CHN2: variants seen among roughly 807,000 people sequenced by gnomAD.
CHN2 encodes the protein beta-chimaerin.
Under a neutral mutation model 56.3 loss-of-function variants are expected in CHN2, and 35 were observed. That is an observed-to-expected ratio of 0.62 (90% CI 0.47 to 0.82). The LOEUF (loss-of-function observed/expected upper bound fraction) is 0.82, where lower values mean the gene tolerates loss of function less well. Among genes scored for constraint, CHN2 ranks in the 40% least tolerant of loss-of-function variants. The probability of loss-of-function intolerance (pLI) is 0.00; values close to 1 mark genes in which losing one functional copy is unlikely to be tolerated. For synonymous variants in CHN2, 210 were observed against 212.8 expected, an observed-to-expected ratio of 0.99 and a Z score of 0.12; for missense variants, 491 against 580.5, an observed-to-expected ratio of 0.85 and a Z score of 1.58.
intron 1 of CHN2, among the ~76,000 whole-genome samples, chr7:29,329,434 T>G (rs944680070): frequency 3.2e-5 from 4 of 126,066 alleles, no homozygotes; most frequent in Non-Finnish European, 6.6e-5. Context: ...CCCTTCATAA[T>G]AGAACATGGG....
At chr7:29,211,130 G>A (rs1001495467) in intron 1 of CHN2, among the ~76,000 whole-genome samples, 2 of 151,952 alleles carry the variant, frequency 1.3e-5, no homozygotes, top group Non-Finnish European at 2.9e-5. Flanking sequence ...GAGTGCAGTG[G>A]CGCGATCTCG....
At chr7:29,510,466 C>T (rs1462869797) in intron 12 of CHN2, among the ~76,000 whole-genome samples, 1 of 152,150 alleles carries the variant, frequency 6.6e-6, no homozygotes, top group East Asian at 1.9e-4. Context: ...CTCCTGAAGG[C>T]TTGATGGTGG....
chr7:29,477,803 G>A (rs1786723010), intron 6 of CHN2, among the ~76,000 whole-genome samples: 1 of 152,222 alleles, frequency 6.6e-6, no homozygotes, highest in Non-Finnish European at 1.5e-5. Flanking sequence ...GTGGTCACAG[G>A]AGGGACTGGA....
intron 3 of CHN2, among the ~76,000 whole-genome samples, chr7:29,373,091 T>C (rs1323669310): frequency 1.3e-5 from 2 of 152,190 alleles, no homozygotes; most frequent in Non-Finnish European, 2.9e-5. Flanking sequence ...CAAAAATGGA[T>C]GGTAGAGATT....
chr7:29,459,412 A>G (rs980261275), intron 6 of CHN2, among the ~76,000 whole-genome samples: 1 of 152,270 alleles, frequency 6.6e-6, no homozygotes, highest in Admixed American at 6.5e-5. Flanking sequence ...CCCTGGAGGA[A>G]TCAGGGTAAG....
intron 3 of CHN2, chr7:29,376,195 CTTG>C (rs1409704131): frequency 1.3e-5 from 2 of 152,176 alleles, no homozygotes; most frequent in South Asian, 2.1e-4. Context: ...TAATTATTTA[CTTG>C]TTGTCAGTCT....
chr7:29,333,050 A>G (rs1796344936), intron 1 of CHN2: 1 of 152,048 alleles, frequency 6.6e-6, no homozygotes, highest in Non-Finnish European at 1.5e-5. Flanking sequence ...GCTGAGAAGC[A>G]CCCACACTCT....
At chr7:29,157,686 A>G (rs755718409) in intron 2 of CHN2, among the ~76,000 whole-genome samples, 103 of 152,196 alleles carry the variant, frequency 6.8e-4, no homozygotes, top group African/African-American at 3.4e-4. Context: ...ACTCCCCTTC[A>G]CCAGTGAAAA....
chr7:29,424,230 C>CTT (rs141938575), intron 6 of CHN2, among the ~76,000 whole-genome samples: 4,663 of 148,414 alleles, frequency 0.031, 131 homozygotes, highest in African/African-American at 0.066. Context: ...TAGTTCCATG[C>CTT]AACCTCCCAC....
At chr7:29,439,090 G>T (rs899045898) in intron 6 of CHN2, among the ~76,000 whole-genome samples, 36 of 152,154 alleles carry the variant, frequency 2.4e-4, no homozygotes, top group African/African-American at 8.2e-4. Flanking sequence ...TTGAGAGTCT[G>T]CTGTATACCA....
rs1412389504 is a variant in CHN2, at chr7:29,152,728, G to A, written c.274+5768G>A. Among the ~76,000 whole-genome samples, 4 of 152,180 alleles carry A rather than the reference G, an allele frequency of 2.6e-5. No individual in the cohort carries two copies. The East Asian group carries it at 7.7e-4, about 29-fold the overall frequency. On this transcript the variant is annotated intron_variant, in intron 2 of 6. Transcript: ENST00000439384. ...TGGGCTCTTTTGCTCTGAGACGGTT[G>A]GAAGAGTTAACGCCATTTTGTCTCT...
intron 6 of CHN2, among the ~76,000 whole-genome samples, chr7:29,406,115 T>C (rs528126148): frequency 3.3e-5 from 5 of 152,366 alleles, no homozygotes; most frequent in African/African-American, 7.2e-5. Flanking sequence ...ACAGCTCTTA[T>C]TTGCTTTTTC....
chr7:29,457,817 G>A (rs1784878318), intron 6 of CHN2, among the ~76,000 whole-genome samples: 1 of 152,184 alleles, frequency 6.6e-6, no homozygotes, highest in Non-Finnish European at 1.5e-5. Context: ...GGATCACTGG[G>A]GAACAAGATG....
rs753479416 is a variant in CHN2, at chr7:29,194,897, T to C, written c.-45T>C. On this transcript the variant is annotated 5_prime_UTR_variant, in exon 1 of 13. Coordinates refer to ENST00000222792, the MANE Select transcript of CHN2 (RefSeq NM_004067.4). Reference sequence around the variant, plus strand: ...CCGGGCGAGGGCAGCGGCGGCGGCGTCCGCACCGGGGCTGAGCGAGCAGCG... The same window carrying C: ...CCGGGCGAGGGCAGCGGCGGCGGCGCCCGCACCGGGGCTGAGCGAGCAGCG... 6.9e-7 allele frequency: 1 copy of C among 1,444,350 alleles called. No homozygotes were observed. The allele number at this position is 1,444,350 out of a possible 1,614,324, so 89.5% of individuals were successfully genotyped here.
intron 6 of CHN2, among the ~76,000 whole-genome samples, chr7:29,440,436 A>G (rs1007158782): frequency 2.0e-5 from 3 of 152,124 alleles, no homozygotes; most frequent in Non-Finnish European, 2.9e-5. Context: ...CACAGCTGTA[A>G]TCTTAGCACT....
intron 6 of CHN2, among the ~76,000 whole-genome samples, chr7:29,474,815 G>A (rs1335593992): frequency 2.0e-5 from 3 of 152,194 alleles, no homozygotes; most frequent in East Asian, 1.9e-4. Context: ...TTGTGGATTG[G>A]TGGCAAATCA....
At position 29,500,141 on chromosome 7, in the gene CHN2, G is replaced by C. The variant is rs906504344; in HGVS notation, c.913+101G>C. 8 of 909,722 alleles carry C rather than the reference G, an allele frequency of 8.8e-6. No homozygotes were observed. The African/African-American group carries it at 1.4e-4, about 15-fold the overall frequency. The allele number at this position is 909,722 out of a possible 1,614,324, so 56.4% of individuals were successfully genotyped here. On this transcript the variant is annotated intron_variant, in intron 9 of 12. Transcript: ENST00000222792. ...CAGAGTTGCTCTACTACTCTTGTTGGGAAAATGACCTACGCATGTGTGCGC... is the reference window on the plus strand; with the variant it reads ...CAGAGTTGCTCTACTACTCTTGTTGCGAAAATGACCTACGCATGTGTGCGC...
chr7:29,421,508 C>T (rs190076041), intron 6 of CHN2, among the ~76,000 whole-genome samples: 1 of 152,316 alleles, frequency 6.6e-6, no homozygotes, highest in East Asian at 1.9e-4. Context: ...CCGCCCTAAC[C>T]ACACATAAGA....
intron 6 of CHN2, among the ~76,000 whole-genome samples, chr7:29,409,522 C>G (rs937057863): frequency 6.6e-6 from 1 of 152,126 alleles, no homozygotes; most frequent in Non-Finnish European, 1.5e-5. Flanking sequence ...GCTGGCTTCT[C>G]ACATCTGCTC....
Sources: gnomAD v4.1 joint callset for allele counts (sites outside exome capture counted in the v4.1 genomes callset) on GRCh38, gnomAD v4.1.1 for gene constraint, MANE v1.5 for transcripts, NCBI Gene and HGNC (gene_info 2026-07-23, HGNC 2026-07-21) for gene names.